Variants in NEK10 observed in about 807,000 individuals in gnomAD.
The protein encoded by NEK10 is NIMA related kinase 10.
NEK10 carries 122 observed loss-of-function variants against 159.8 expected under a neutral mutation model. That is an observed-to-expected ratio of 0.76 (90% CI 0.66 to 0.89). The LOEUF (loss-of-function observed/expected upper bound fraction) is 0.89. Ranked by LOEUF, NEK10 falls within the 40% of genes least tolerant of loss-of-function variation. The pLI is 0.00. For synonymous variants in NEK10, 466 were observed against 457.1 expected (o/e 1.02, Z -0.25); for missense variants, 1,342 against 1,323.1 (o/e 1.01, Z -0.22).
chr3:27,339,998 C>T (rs1381871439), intron 5 of NEK10, among the ~76,000 whole-genome samples: 1 of 152,070 alleles, frequency 6.6e-6, no homozygotes, highest in African/African-American at 2.4e-5. Context: ...ACCAGCAATC[C>T]CATTACTGTG....
chr3:27,195,589 G>T (rs17628832), intron 25 of NEK10, among the ~76,000 whole-genome samples: 34,565 of 152,090 alleles, frequency 0.23, 4,237 homozygotes, highest in Middle Eastern at 0.38. Flanking sequence ...CTAACTTATT[G>T]TGGCATCTTA....
chr3:27,280,542 G>A (rs1453560401), intron 22 of NEK10, among the ~76,000 whole-genome samples: 3 of 152,280 alleles, frequency 2.0e-5, no homozygotes, highest in African/African-American at 4.8e-5. Flanking sequence ...CTTGAGCCCC[G>A]TTTGTTGACG....
chr3:27,280,004 C>T lies in NEK10; in HGVS notation c.2014+4598G>A, dbSNP rs1210578010. ...CCAACATGGTGAAACCCCGTCTCTC[C>T]TAAAATACAAAAATTGGCTGGGTGT... On this transcript the variant is annotated intron_variant, in intron 22 of 35. Coordinates refer to ENST00000691995, the MANE Select transcript of NEK10 (RefSeq NM_001394966.1). Among the ~76,000 whole-genome samples the T allele has an allele frequency of 1.6e-4, 24 of 148,546 alleles. No individual in the cohort carries two copies. In the Admixed American group the frequency reaches 1.6e-3, roughly 10 times the overall value.
chr3:27,274,372 A>G (rs1357306563), intron 22 of NEK10, among the ~76,000 whole-genome samples: 1 of 152,188 alleles, frequency 6.6e-6, no homozygotes, highest in African/African-American at 2.4e-5. Flanking sequence ...ACCTAGCTCT[A>G]AGATGTGTAT....
In NEK10 at chr3:27,174,504, T is replaced by C; in HGVS notation, c.2711A>G (p.Asp904Gly). ...AEKDTYSEVD[D>G]ELDISDNSSS... Reference sequence around the variant, plus strand: ...GGAGTTATCCGAAATGTCCAATTCATCATCTACCTCTGAATATGTATCTGC... The same window carrying C: ...GGAGTTATCCGAAATGTCCAATTCACCATCTACCTCTGAATATGTATCTGC... Residue 904 changes from aspartate (D) to glycine (G), a missense_variant, in exon 28 of 36, where the codon GAT (aspartate) becomes GGT (glycine). Transcript: ENST00000691995. The C allele has an allele frequency of 1.2e-6, 2 of 1,612,166 alleles. No individual in the cohort carries two copies. The highest frequency in any genetic ancestry group is 8.5e-7 in the Non-Finnish European group (1 of 1,179,576).
At chr3:27,264,279 C>T (rs1472792215) in intron 22 of NEK10, among the ~76,000 whole-genome samples, 1 of 152,032 alleles carries the variant, frequency 6.6e-6, no homozygotes, top group Non-Finnish European at 1.5e-5. Context: ...GGAATATTTC[C>T]CAAATCACTT....
intron 22 of NEK10, among the ~76,000 whole-genome samples, chr3:27,282,571 T>TTA (rs371647398): frequency 3.7e-4 from 16 of 43,122 alleles, no homozygotes; most frequent in African/African-American, 2.2e-3. Flanking sequence ...CATAACTGTG[T>TTA]TATATATATA....
intron 23 of NEK10, among the ~76,000 whole-genome samples, chr3:27,238,545 C>T (rs546704552): frequency 6.6e-6 from 1 of 151,980 alleles, no homozygotes; most frequent in African/African-American, 2.4e-5. Flanking sequence ...ATTCATATTC[C>T]TTTAATTTCT....
intron 33 of NEK10, among the ~76,000 whole-genome samples, chr3:27,119,273 G>T (rs1463539174): frequency 6.6e-6 from 1 of 152,134 alleles, no homozygotes; most frequent in African/African-American, 2.4e-5. Flanking sequence ...TTGAATCTAG[G>T]CACCCAGGTT....
chr3:27,164,823 T>C (rs1033150949), intron 29 of NEK10, among the ~76,000 whole-genome samples: 3 of 152,248 alleles, frequency 2.0e-5, no homozygotes, highest in Non-Finnish European at 4.4e-5. Flanking sequence ...AGGTTATACA[T>C]GTTCTTGAAA....
chr3:27,230,871 A>G (rs1037156859), intron 23 of NEK10, among the ~76,000 whole-genome samples: 9 of 151,990 alleles, frequency 5.9e-5, no homozygotes, highest in Non-Finnish European at 1.3e-4. Flanking sequence ...GATTTATAAA[A>G]CAATTACTAC....
At chr3:27,125,813 G>A (rs1303917391) in intron 32 of NEK10, among the ~76,000 whole-genome samples, 1 of 152,038 alleles carries the variant, frequency 6.6e-6, no homozygotes, top group Non-Finnish European at 1.5e-5. Context: ...TTTCCAGCAA[G>A]GATTGTGTTC....
At position 27,295,127 on chromosome 3, in the gene NEK10, T is replaced by G. The variant is rs144642473; in HGVS notation, c.1308+486A>C. Among the ~76,000 whole-genome samples, 877 of 152,146 alleles carry G rather than the reference T, an allele frequency of 5.8e-3. 8 individuals are homozygous for G. Among genetic ancestry groups the G allele is most frequent in the African/African-American group, 0.02 (838 of 41,500 alleles). On this transcript the variant is annotated intron_variant, in intron 15 of 35. Coordinates refer to ENST00000691995, the MANE Select transcript of NEK10 (RefSeq NM_001394966.1). ...ACACACCCCAACCCCACTGAGCAGC[T>G]CACACTTCCCTCAGCACACTCTAAG...
chr3:27,357,812 CAG>C (rs766888402), intron 1 of NEK10, among the ~76,000 whole-genome samples: 2 of 152,066 alleles, frequency 1.3e-5, no homozygotes, highest in East Asian at 3.9e-4. Flanking sequence ...GCCCTAAGTA[CAG>C]AGTCTGAGGG....
In NEK10 at chr3:27,305,675, G is replaced by A. The variant is rs544864268; in HGVS notation, c.804-704C>T. Among the ~76,000 whole-genome samples, 14 of 151,376 alleles carry A rather than the reference G, an allele frequency of 9.2e-5. No homozygotes were observed. In the South Asian group the frequency reaches 2.7e-3, roughly 29 times the overall value. ...ATTCTAGTCTTCAGAAACTTACTAT[G>A]TAATTGCAAAATAAGACATTCTTAG... On this transcript the variant is annotated intron_variant, in intron 11 of 35. Transcript: ENST00000691995.
chr3:27,220,393 C>T (rs1389407902), intron 23 of NEK10, among the ~76,000 whole-genome samples: 1 of 152,180 alleles, frequency 6.6e-6, no homozygotes, highest in East Asian at 1.9e-4. Flanking sequence ...CCAGTCAAGT[C>T]TTTCTCACAG....
chr3:27,140,283 T>C (rs1242292999), intron 31 of NEK10, among the ~76,000 whole-genome samples: 1 of 152,148 alleles, frequency 6.6e-6, no homozygotes, highest in Non-Finnish European at 1.5e-5. Flanking sequence ...TGCAAGTCAA[T>C]TCAAAGACTC....
chr3:27,332,744 G>T (rs1480703068), intron 5 of NEK10, among the ~76,000 whole-genome samples: 1 of 152,138 alleles, frequency 6.6e-6, no homozygotes, highest in Non-Finnish European at 1.5e-5. Flanking sequence ...ATTAATTAGA[G>T]AATATGATAA....
chr3:27,153,521 A>G (rs2148760209), intron 30 of NEK10, among the ~76,000 whole-genome samples: 1 of 152,288 alleles, frequency 6.6e-6, no homozygotes, highest in East Asian at 1.9e-4. Context: ...TCAACAGTGC[A>G]TGGAACTTTC....
Sources: allele counts gnomAD v4.1 joint callset (sites outside exome capture counted in the v4.1 genomes callset), GRCh38; gene constraint gnomAD v4.1.1; transcripts MANE v1.5; gene names NCBI Gene and HGNC (gene_info 2026-07-23, HGNC 2026-07-21).